The following DAB1 variants were observed in gnomAD, a reference collection of about 807,000 sequenced individuals.
DAB1 encodes the protein DAB adaptor protein 1.
Under a neutral mutation model 64.6 loss-of-function variants are expected in DAB1, and 15 were observed. The observed-to-expected ratio is 0.23, with a 90% CI of 0.16 to 0.36. DAB1 has a LOEUF of 0.36. Among genes scored for constraint, DAB1 ranks in the 10% least tolerant of loss-of-function variants. The pLI, the probability that DAB1 is intolerant of heterozygous loss-of-function variation, is 1.00. For missense variants in DAB1, 596 were observed against 706.7 expected, an observed-to-expected ratio of 0.84 and a Z score of 1.78; for synonymous variants, 235 against 251.9, an observed-to-expected ratio of 0.93 and a Z score of 0.64.
chr1:58,150,924 T>C (rs1421522641), intron 4 of DAB1, among the ~76,000 whole-genome samples: 3 of 152,226 alleles, frequency 2.0e-5, no homozygotes, highest in East Asian at 3.9e-4. Context: ...TTCCCACCTA[T>C]GAGTGAGAAC....
chr1:57,221,052 G>T (rs912832507), intron 2 of DAB1, among the ~76,000 whole-genome samples: 2 of 152,176 alleles, frequency 1.3e-5, no homozygotes, highest in African/African-American at 4.8e-5. Flanking sequence ...ATATACCATG[G>T]AATACTATGC....
intron 4 of DAB1, among the ~76,000 whole-genome samples, chr1:58,218,549 T>C (rs1040574258): frequency 6.6e-6 from 1 of 152,232 alleles, no homozygotes; most frequent in Middle Eastern, 3.4e-3. Context: ...TGGATACTTG[T>C]ACATGAGAAT....
At position 57,494,026 on chromosome 1, in the gene DAB1, C is replaced by T. The variant is rs182895931; in HGVS notation, n.625+155566G>A. The stretch of plus-strand genomic sequence containing the variant: ...TAAAACTGTTTATTCTTCCAAAGTG[C>T]GTGTGGGGGTCTGGTGTGAGAATTA... On this transcript the variant is annotated intron_variant and non_coding_transcript_variant, in intron 7 of 20. Coordinates refer to the DAB1 transcript ENST00000485760. Among the ~76,000 whole-genome samples, 3 of 152,198 alleles carry T rather than the reference C, an allele frequency of 2.0e-5. No homozygotes were observed. In the East Asian group the frequency reaches 5.8e-4, roughly 29 times the overall value.
intron 7 of DAB1, among the ~76,000 whole-genome samples, chr1:57,572,074 G>T (rs1645199584): frequency 6.6e-6 from 1 of 152,186 alleles, no homozygotes; most frequent in African/African-American, 2.4e-5. Context: ...GGCACTAGCA[G>T]TAAAGAAGTG....
chr1:57,786,015 C>T (rs1016068421), intron 6 of DAB1, among the ~76,000 whole-genome samples: 1 of 152,180 alleles, frequency 6.6e-6, no homozygotes, highest in South Asian at 2.1e-4. Flanking sequence ...TCAGCAATTA[C>T]TACCCTGATC....
At chr1:58,360,805 A>G (rs1266945667) in intron 3 of DAB1, among the ~76,000 whole-genome samples, 1 of 152,198 alleles carries the variant, frequency 6.6e-6, no homozygotes, top group Non-Finnish European at 1.5e-5. Flanking sequence ...TATATTCCTT[A>G]TAGAGTATTT....
chr1:58,378,879 G>C (rs573154136), intron 3 of DAB1, among the ~76,000 whole-genome samples: 2 of 72,452 alleles, frequency 2.8e-5, no homozygotes, highest in African/African-American at 1.3e-4. Context: ...ATATAGTCTC[G>C]TGGTGCGCCG....
intron 7 of DAB1, among the ~76,000 whole-genome samples, chr1:57,548,956 G>A (rs890276209): frequency 6.6e-6 from 1 of 152,138 alleles, no homozygotes; most frequent in Non-Finnish European, 1.5e-5. Context: ...TATTCTTGAG[G>A]AAAATGAGGC....
At chr1:57,380,595 A>G (rs762050822) in intron 1 of DAB1, among the ~76,000 whole-genome samples, 2 of 152,218 alleles carry the variant, frequency 1.3e-5, no homozygotes, top group African/African-American at 2.4e-5. Context: ...AATGAGTACA[A>G]TGTGTTTATA....
chr1:58,212,855 A>T (rs1163450064), intron 4 of DAB1, among the ~76,000 whole-genome samples: 1 of 152,158 alleles, frequency 6.6e-6, no homozygotes, highest in Non-Finnish European at 1.5e-5. Context: ...TGGTTGTTAA[A>T]AACTTTTAGT....
intron 4 of DAB1, among the ~76,000 whole-genome samples, chr1:58,219,025 C>CTCTCTCTCTCTCTCTCTCTGTGTG (rs376130413): frequency 5.4e-5 from 7 of 129,550 alleles, no homozygotes; most frequent in East Asian, 2.4e-4. Flanking sequence ...CTCTCTCTCT[C>CTCTCTCTCTCTCTCTCTCTGTGTG]TGTGTGTGTG....
intron 7 of DAB1, among the ~76,000 whole-genome samples, chr1:57,636,329 T>C (rs140426148): frequency 2.2e-3 from 331 of 152,218 alleles, no homozygotes; most frequent in Middle Eastern, 0.01. Flanking sequence ...AATAAATGTC[T>C]GTTGTTTAAG....
At chr1:58,256,306 G>A (rs559965638) in intron 4 of DAB1, among the ~76,000 whole-genome samples, 5 of 152,282 alleles carry the variant, frequency 3.3e-5, no homozygotes, top group South Asian at 2.1e-4. Flanking sequence ...TGTGAGTACC[G>A]AAGCCGGTGT....
Position 57,921,075 on chromosome 1 carries a change from A to T in DAB1, n.388-36913T>A, listed in dbSNP as rs1281025570. 2.6e-5 allele frequency among the ~76,000 whole-genome samples: 4 copies of T among 152,240 alleles called. No individual in the cohort carries two copies. The East Asian group carries it at 7.7e-4, about 29-fold the overall frequency. On this transcript the variant is annotated intron_variant and non_coding_transcript_variant, in intron 5 of 20. Transcript: ENST00000485760. ...TGTTCATTGGGAATTAATTAAATACATCATAATATGGTGATAAAATGGAAT... is the reference window on the plus strand; with the variant it reads ...TGTTCATTGGGAATTAATTAAATACTTCATAATATGGTGATAAAATGGAAT...
intron 1 of DAB1, among the ~76,000 whole-genome samples, chr1:57,378,755 G>A (rs980244603): frequency 2.6e-5 from 4 of 152,240 alleles, no homozygotes; most frequent in Non-Finnish European, 4.4e-5. Context: ...GGAGTCACTA[G>A]AATGTACAAA....
chr1:57,276,529 A>G (rs1176401584), intron 2 of DAB1, among the ~76,000 whole-genome samples: 1 of 152,230 alleles, frequency 6.6e-6, no homozygotes, highest in Non-Finnish European at 1.5e-5. Flanking sequence ...TGAATAAAAT[A>G]TGTTTGTAAT....
chr1:57,729,050 G>A (rs1269439649), intron 6 of DAB1, among the ~76,000 whole-genome samples: 1 of 152,170 alleles, frequency 6.6e-6, no homozygotes, highest in African/African-American at 2.4e-5. Context: ...CAGAATTAAT[G>A]AAGTACCTAA....
chr1:57,419,334 G>T (rs1253837409), intron 1 of DAB1, among the ~76,000 whole-genome samples: 1 of 152,052 alleles, frequency 6.6e-6, no homozygotes, highest in Non-Finnish European at 1.5e-5. Flanking sequence ...CTGTAAATTA[G>T]GACAGTTGAC....
At chr1:57,007,511 A>AG (rs1646117341) in intron 14 of DAB1, among the ~76,000 whole-genome samples, 2 of 152,126 alleles carry the variant, frequency 1.3e-5, no homozygotes, top group Admixed American at 1.3e-4. Flanking sequence ...ATGGGAGGGT[A>AG]GGGGGAAAAA....
Sources: gnomAD v4.1 joint callset for allele counts (sites outside exome capture counted in the v4.1 genomes callset) on GRCh38, gnomAD v4.1.1 for gene constraint, MANE v1.5 for transcripts, NCBI Gene and HGNC (gene_info 2026-07-23, HGNC 2026-07-21) for gene names.